XK: variants seen among roughly 807,000 people sequenced by gnomAD.
The protein encoded by XK is X-linked Kx blood group antigen, Kell and VPS13A binding protein.
XK carries 2 observed loss-of-function variants against 14.0 expected under a neutral mutation model. That is an observed-to-expected ratio of 0.14 (90% confidence interval 0.06 to 0.45). The LOEUF (loss-of-function observed/expected upper bound fraction) is 0.45. Among genes scored for constraint, XK ranks in the 20% least tolerant of loss-of-function variants. The pLI is 0.98. For missense variants in XK, 235 were observed against 341.5 expected (o/e 0.69, Z 2.46); for synonymous variants, 149 against 147.5 (o/e 1.01, Z -0.08).
chrX:37,692,432 T>TG (rs1237866512), intron 1 of XK, among the ~76,000 whole-genome samples: 1 of 111,791 alleles, frequency 8.9e-6, no homozygotes, highest in African/African-American at 3.3e-5. Context: ...AGTTTGTTTT[T>TG]TTGAGACAGA....
intron 2 of XK, among the ~76,000 whole-genome samples, chrX:37,710,803 C>G (rs1556446568): frequency 8.9e-6 from 1 of 112,106 alleles, no homozygotes; most frequent in Non-Finnish European, 1.9e-5. Flanking sequence ...GTATCGGTGA[C>G]TTGTCAGATA....
intron 1 of XK, among the ~76,000 whole-genome samples, chrX:37,693,022 A>G (rs1927233444): frequency 9.0e-6 from 1 of 111,032 alleles, no homozygotes; most frequent in Non-Finnish European, 1.9e-5. Context: ...GCAACAAATG[A>G]ACAATGGTAT....
At chrX:37,698,622 G>C (rs1927351067) in intron 2 of XK, among the ~76,000 whole-genome samples, 1 of 106,165 alleles carries the variant, frequency 9.4e-6, no homozygotes. Flanking sequence ...TTTGAGGTTA[G>C]ATTTGTGTGA....
chrX:37,686,271 C>T lies in XK; in HGVS notation c.245+65C>T, dbSNP rs1032774249. 3 of 1,178,020 alleles carry T rather than the reference C, an allele frequency of 2.5e-6. No individual in the cohort carries two copies. In the Admixed American group the frequency reaches 6.9e-5, roughly 27 times the overall value. On this transcript the variant is annotated intron_variant, in intron 1 of 2. Transcript: ENST00000378616. The stretch of plus-strand genomic sequence containing the variant: ...TCGGTCCTGTAGCCTGATCTCCCCA[C>T]CTGCTCGAGTGGAGGGAGGCGGTTT...
intron 2 of XK, among the ~76,000 whole-genome samples, chrX:37,707,855 G>A (rs1301851122): frequency 8.9e-6 from 1 of 112,369 alleles, no homozygotes; most frequent in Non-Finnish European, 1.9e-5. Context: ...CAAGGCAGGC[G>A]GCTGGGAGGT....
At chrX:37,694,178 G>A in intron 1 of XK, 108 bp from the exon 2 acceptor site, 1 of 1,031,972 alleles carries the variant, frequency 9.7e-7, no homozygotes, top group Non-Finnish European at 1.3e-6. Flanking sequence ...ATAGTTCAGA[G>A]TAGCCAAGTC....
At chrX:37,707,878 A>G (rs1297951961) in intron 2 of XK, among the ~76,000 whole-genome samples, 3 of 112,143 alleles carry the variant, frequency 2.7e-5, no homozygotes, top group African/African-American at 9.7e-5. Context: ...AGGTTGTAGC[A>G]AGCCAAGATC....
Position 37,694,457 on chromosome X carries a change from G to T in XK, c.417G>T (p.Ala139=), listed in dbSNP as rs370446008. Residue 139 remains alanine, a synonymous_variant, in exon 2 of 3, where the codon GCG becomes GCT. Coordinates refer to ENST00000378616, the MANE Select transcript of XK (RefSeq NM_021083.4). The stretch of plus-strand genomic sequence containing the variant: ...CCCACCGATCAGCGTTCAGCCGGGC[G>T]TCGGTGATCCAGGCTTTCTTGGGCT... ...LITHRSAFSR[A]SVIQAFLGSA... 7.0e-5 allele frequency: 83 copies of T among 1,190,566 alleles called. No homozygotes were observed. The highest frequency in any genetic ancestry group is 8.7e-5 in the Non-Finnish European group (77 of 884,042).
chrX:37,713,077 C>T (rs2146826170), intron 2 of XK, among the ~76,000 whole-genome samples: 1 of 111,422 alleles, frequency 9.0e-6, no homozygotes, highest in South Asian at 3.8e-4. Context: ...TAATAAACCA[C>T]CATAAAACTT....
In XK at chrX:37,727,617, C is replaced by T. The variant is rs781994109; in HGVS notation, c.509-19C>T. Reference sequence around the variant, plus strand: ...CTAGTGGAGGTGAGACTTGATGATACTCTCTCTTTTCTCCCCAGGTCTCCT... The same window carrying T: ...CTAGTGGAGGTGAGACTTGATGATATTCTCTCTTTTCTCCCCAGGTCTCCT... On this transcript the variant is annotated intron_variant, in intron 2 of 2. Transcript: ENST00000378616. The T allele has an allele frequency of 5.8e-5, 69 of 1,183,649 alleles. No homozygotes were observed. The highest frequency in any genetic ancestry group is 7.8e-5 in the Non-Finnish European group (68 of 877,057).
chrX:37,697,796 C>T (rs1927331402), intron 2 of XK, among the ~76,000 whole-genome samples: 1 of 112,094 alleles, frequency 8.9e-6, no homozygotes, highest in Non-Finnish European at 1.9e-5. Context: ...AAAAATAAGT[C>T]CCCTATTCAT....
At chrX:37,687,324 G>A (rs782467056) in intron 1 of XK, among the ~76,000 whole-genome samples, 27 of 109,488 alleles carry the variant, frequency 2.5e-4, no homozygotes, top group Admixed American at 1.9e-3. Flanking sequence ...CTGGAGTGCA[G>A]TAGCAAGATC....
At chrX:37,692,242 T>G (rs1301617342) in intron 1 of XK, among the ~76,000 whole-genome samples, 2 of 110,310 alleles carry the variant, frequency 1.8e-5, no homozygotes, top group African/African-American at 6.6e-5. Flanking sequence ...TAATTTTCGT[T>G]TATTATTATT....
chrX:37,705,769 T>C (rs1927514498), intron 2 of XK, among the ~76,000 whole-genome samples: 1 of 108,950 alleles, frequency 9.2e-6, no homozygotes, highest in East Asian at 2.8e-4. Flanking sequence ...CTTTTTTTTT[T>C]TGAGACAGGG....
At position 37,685,931 on chromosome X, in the gene XK, C is replaced by G. The variant is rs782480229; in HGVS notation, c.-31C>G. ...GCCACACAGCCGCCGCCACTGCGTC[C>G]GTCCCCGGTGAGCGCCGCTGACGCG... is the stretch of plus-strand genomic sequence containing the variant. On this transcript the variant is annotated 5_prime_UTR_variant, in exon 1 of 3. Transcript: ENST00000378616. The G allele has an allele frequency of 2.3e-5, 28 of 1,193,778 alleles. No homozygotes were observed. The highest frequency in any genetic ancestry group is 2.9e-5 in the Non-Finnish European group (26 of 888,002).
Position 37,728,746 on chromosome X carries a change from A to G in XK, c.*284A>G, listed in dbSNP as rs1556450589. 2.9e-6 allele frequency: 1 copy of G among 341,464 alleles called. No individual in the cohort carries two copies. Among genetic ancestry groups the G allele is most frequent in the Non-Finnish European group, 5.2e-6 (1 of 192,992 alleles). The allele number at this position is 341,464 out of a possible 1,213,427, so 28.1% of individuals were successfully genotyped here. A position where few individuals can be genotyped will look rare whatever the true frequency, so the allele number is the denominator to read the frequency against. ...CTTTTCACTGACAAGTTACCCCTGA[A>G]ATCTGAGTTGTACTGGTTAGATTCA... is the stretch of plus-strand genomic sequence containing the variant. On this transcript the variant is annotated 3_prime_UTR_variant, in exon 3 of 3. Transcript: ENST00000378616.
At chrX:37,727,519 C>T in intron 2 of XK, 117 bp from the exon 3 acceptor site, 1 of 621,532 alleles carries the variant, frequency 1.6e-6, no homozygotes, top group Non-Finnish European at 2.6e-6. Context: ...GGAAGTCAGG[C>T]TGTGCACATA....
At chrX:37,723,199 T>C (rs1927914342) in intron 2 of XK, among the ~76,000 whole-genome samples, 1 of 111,802 alleles carries the variant, frequency 8.9e-6, no homozygotes, top group East Asian at 2.8e-4. Context: ...AAATAGGCAG[T>C]ACTGCCAATT....
At chrX:37,689,797 T>C (rs1927168898) in intron 1 of XK, among the ~76,000 whole-genome samples, 1 of 112,398 alleles carries the variant, frequency 8.9e-6, no homozygotes, top group Non-Finnish European at 1.9e-5. Flanking sequence ...AAAATCTTAT[T>C]GCGCATTATA....
Sources: allele counts gnomAD v4.1 joint callset (sites outside exome capture counted in the v4.1 genomes callset), GRCh38; gene constraint gnomAD v4.1.1; transcripts MANE v1.5; gene names NCBI Gene and HGNC (gene_info 2026-07-23, HGNC 2026-07-21).